The following CDH9 variants were observed in gnomAD, a reference collection of about 807,000 sequenced individuals.
CDH9 encodes the protein cadherin 9, also known as cadherin-9.
CDH9 carries 28 observed loss-of-function variants against 70.9 expected under a neutral mutation model. The observed-to-expected ratio is 0.40, with a 90% confidence interval of 0.29 to 0.54. The LOEUF is 0.54. Among genes scored for constraint, CDH9 ranks in the 20% least tolerant of loss-of-function variants. CDH9 has a pLI of 0.59. For synonymous variants in CDH9, 409 were observed against 343.1 expected (o/e 1.19, Z -2.12); for missense variants, 874 against 984.4 (o/e 0.89, Z 1.50).
chr5:26,975,495 G>A (rs1742290507), intron 2 of CDH9, among the ~76,000 whole-genome samples: 1 of 152,128 alleles, frequency 6.6e-6, no homozygotes, highest in Non-Finnish European at 1.5e-5. Context: ...AACAACAAGA[G>A]AGTTTATTTT....
chr5:26,881,266 G>C lies in CDH9; in HGVS notation c.2240C>G (p.Ala747Gly). ...AGATTCCAAAGAACTGAGCGAATCTGCTATGGAATCATTCCCTTCATAGGC... is the reference window on the plus strand; with the variant it reads ...AGATTCCAAAGAACTGAGCGAATCTCCTATGGAATCATTCCCTTCATAGGC... ...TYAYEGNDSI[A>G]DSLSSLESLT... The change falls in exon 12 of 12, where the codon GCA becomes GGA. Residue 747 changes from alanine to glycine, a missense_variant. Physicochemically the swap from Ala to Gly is moderately conservative, Grantham distance 60 (BLOSUM62 0). Coordinates refer to ENST00000231021, the MANE Select transcript of CDH9 (RefSeq NM_016279.4). 2.5e-6 allele frequency: 4 copies of C among 1,613,298 alleles called. No homozygotes were observed. Among genetic ancestry groups the C allele is most frequent in the Non-Finnish European group, 3.4e-6 (4 of 1,179,376 alleles).
chr5:26,915,515 AAC>A, intron 3 of CDH9, 113 bp downstream of exon 3: 1 of 638,986 alleles, frequency 1.6e-6, no homozygotes, highest in Non-Finnish European at 2.8e-6. Flanking sequence ...AATAGTAGTT[AAC>A]AGTTATAACT....
intron 2 of CDH9, among the ~76,000 whole-genome samples, chr5:26,949,254 A>T (rs1741804838): frequency 6.6e-6 from 1 of 152,178 alleles, no homozygotes; most frequent in Non-Finnish European, 1.5e-5. Flanking sequence ...CAAATTTCTC[A>T]TCAGCTTGGA....
At chr5:27,010,735 G>A (rs989669585) in intron 1 of CDH9, among the ~76,000 whole-genome samples, 1 of 152,084 alleles carries the variant, frequency 6.6e-6, no homozygotes, top group African/African-American at 2.4e-5. Context: ...TTAAGCCAAT[G>A]CTGCAAATTT....
At chr5:26,886,847 T>C (rs891144510) in intron 9 of CDH9, among the ~76,000 whole-genome samples, 7 of 152,266 alleles carry the variant, frequency 4.6e-5, no homozygotes, top group African/African-American at 1.4e-4. Flanking sequence ...GAGCATTTTA[T>C]AGTGGAAAAA....
chr5:26,995,856 G>A (rs1742655976), intron 1 of CDH9, among the ~76,000 whole-genome samples: 1 of 152,010 alleles, frequency 6.6e-6, no homozygotes, highest in East Asian at 1.9e-4. Flanking sequence ...TGTTTTAAAT[G>A]TGGCTCAACT....
chr5:26,964,560 T>C lies in CDH9; in HGVS notation c.228+23546A>G, dbSNP rs865975976. ...TTGTGTTGTAGGAGATCATATTTAT[T>C]ATATGAAAGACTTAGCACGCAGTTT... On this transcript the variant is annotated intron_variant, in intron 2 of 11. Coordinates refer to ENST00000231021, the MANE Select transcript of CDH9 (RefSeq NM_016279.4). 5.3e-5 allele frequency among the ~76,000 whole-genome samples: 8 copies of C among 152,304 alleles called. No homozygotes were observed. In the South Asian group the frequency reaches 1.0e-3, roughly 20 times the overall value.
chr5:26,970,931 T>C (rs1742208399), intron 2 of CDH9, among the ~76,000 whole-genome samples: 1 of 152,094 alleles, frequency 6.6e-6, no homozygotes, highest in Non-Finnish European at 1.5e-5. Flanking sequence ...AATACCAACA[T>C]AAACTCTCAT....
intron 1 of CDH9, among the ~76,000 whole-genome samples, chr5:26,999,944 A>G (rs1403778614): frequency 6.6e-6 from 1 of 152,132 alleles, no homozygotes; most frequent in Non-Finnish European, 1.5e-5. Context: ...TGAGTTTTAG[A>G]AAAAACTCAA....
At chr5:26,955,594 CTCTCTCTCTCTG>C (rs944571328) in intron 2 of CDH9, among the ~76,000 whole-genome samples, 6 of 151,980 alleles carry the variant, frequency 3.9e-5, no homozygotes, top group African/African-American at 1.2e-4. Flanking sequence ...CTCTCTCTCT[CTCTCTCTCTCTG>C]TGTGTGTTTC....
At chr5:26,996,744 A>G (rs1742672973) in intron 1 of CDH9, among the ~76,000 whole-genome samples, 1 of 151,464 alleles carries the variant, frequency 6.6e-6, no homozygotes, top group African/African-American at 2.4e-5. Context: ...CTATATCTCT[A>G]TATATCTATA....
At chr5:26,932,103 A>G (rs1741473313) in intron 2 of CDH9, among the ~76,000 whole-genome samples, 1 of 146,206 alleles carries the variant, frequency 6.8e-6, no homozygotes, top group Non-Finnish European at 1.5e-5. Context: ...TAGAAGTGTT[A>G]TTACTTTTCA....
chr5:26,894,109 A>G (rs1740706542), intron 7 of CDH9, among the ~76,000 whole-genome samples: 1 of 152,176 alleles, frequency 6.6e-6, no homozygotes, highest in Admixed American at 6.5e-5. Flanking sequence ...ACATCTGTGC[A>G]TTGAATGGAG....
At chr5:27,019,174 G>T (rs72733255) in intron 1 of CDH9, among the ~76,000 whole-genome samples, 1 of 151,986 alleles carries the variant, frequency 6.6e-6, no homozygotes, top group Non-Finnish European at 1.5e-5. Context: ...GAACTAGAAT[G>T]AAGTATTTGG....
At chr5:26,883,773 A>G (rs1304113731) in intron 11 of CDH9, among the ~76,000 whole-genome samples, 2 of 118,308 alleles carry the variant, frequency 1.7e-5, no homozygotes, top group African/African-American at 5.5e-5. Flanking sequence ...CATTCTTTTC[A>G]TCAGGCTGAA....
chr5:26,972,272 C>A (rs1227804605), intron 2 of CDH9, among the ~76,000 whole-genome samples: 1 of 152,090 alleles, frequency 6.6e-6, no homozygotes, highest in African/African-American at 2.4e-5. Flanking sequence ...CTGTCAGCAG[C>A]AACTAATATG....
intron 2 of CDH9, among the ~76,000 whole-genome samples, chr5:26,953,761 A>T (rs528573113): frequency 1.3e-5 from 2 of 152,268 alleles, no homozygotes; most frequent in South Asian, 2.1e-4. Flanking sequence ...AGTGCAAGCC[A>T]CCACTGTTGA....
Position 26,943,901 on chromosome 5 carries a change from T to C in CDH9, c.229-27977A>G, listed in dbSNP as rs888616217. Among the ~76,000 whole-genome samples, 3 of 152,352 alleles carry C rather than the reference T, an allele frequency of 2.0e-5. No homozygotes were observed. The South Asian group carries it at 6.2e-4, about 32-fold the overall frequency. ...TTAGCTCAGTTTATATTATATAACA[T>C]ACATTCAATAAATTAGAGTGTGATT... On this transcript the variant is annotated intron_variant, in intron 2 of 11. Coordinates refer to ENST00000231021, the MANE Select transcript of CDH9 (RefSeq NM_016279.4).
intron 1 of CDH9, among the ~76,000 whole-genome samples, chr5:27,031,322 T>C (rs529667640): frequency 9.9e-5 from 15 of 152,072 alleles, no homozygotes; most frequent in Middle Eastern, 3.4e-3. Context: ...ATTCATACTT[T>C]ATAGAACAAA....
Sources: allele counts gnomAD v4.1 joint callset (sites outside exome capture counted in the v4.1 genomes callset), GRCh38; gene constraint gnomAD v4.1.1; transcripts MANE v1.5; gene names NCBI Gene and HGNC (gene_info 2026-07-23, HGNC 2026-07-21).